Variants in NTNG1 observed in about 807,000 individuals in gnomAD.
The protein encoded by NTNG1 is netrin-G1.
A neutral mutation model predicts 54.0 loss-of-function variants in NTNG1; 16 were observed. The ratio of observed to expected loss-of-function variants is 0.30; its 90% CI spans 0.20 to 0.45. The LOEUF (loss-of-function observed/expected upper bound fraction) is 0.45, where lower values mean the gene tolerates loss of function less well. NTNG1 is among the 20% of genes least tolerant of loss of function. The pLI is 1.00. For synonymous variants in NTNG1, 255 were observed against 263.1 expected, an observed-to-expected ratio of 0.97 and a Z score of 0.30; for missense variants, 530 against 678.7, an observed-to-expected ratio of 0.78 and a Z score of 2.43.
chr1:107,227,137 T>C (rs1189214296), intron 2 of NTNG1, among the ~76,000 whole-genome samples: 5 of 152,214 alleles, frequency 3.3e-5, no homozygotes, highest in Middle Eastern at 3.4e-3. Context: ...AGTGTGACTA[T>C]GGGCAATTAT....
chr1:107,255,885 A>G (rs1463704526), intron 2 of NTNG1, among the ~76,000 whole-genome samples: 2 of 152,164 alleles, frequency 1.3e-5, no homozygotes, highest in African/African-American at 4.8e-5. Context: ...ACTAAAACCT[A>G]TTCTATTAAA....
At chr1:107,332,038 T>G (rs2101899110) in intron 3 of NTNG1, among the ~76,000 whole-genome samples, 1 of 152,170 alleles carries the variant, frequency 6.6e-6, no homozygotes, top group East Asian at 1.9e-4. Flanking sequence ...GTGGAAACAT[T>G]TAGAATAAAG....
chr1:107,436,865 G>C, intron 7 of NTNG1, 66 bp downstream of exon 7: 3 of 1,474,682 alleles, frequency 2.0e-6, no homozygotes, highest in African/African-American at 1.4e-5. Flanking sequence ...GGCTAGGCCG[G>C]TGCGTGCAGC....
At chr1:107,271,713 G>A (rs902322001) in intron 2 of NTNG1, among the ~76,000 whole-genome samples, 5 of 151,916 alleles carry the variant, frequency 3.3e-5, no homozygotes, top group Admixed American at 1.3e-4. Flanking sequence ...TCCAAATCTG[G>A]TAAAATGGAT....
chr1:107,149,727 T>A (rs1221585055), intron 2 of NTNG1, among the ~76,000 whole-genome samples: 6 of 152,206 alleles, frequency 3.9e-5, no homozygotes, highest in African/African-American at 1.4e-4. Context: ...ATAGTATACA[T>A]TAATGTGCTA....
intron 2 of NTNG1, among the ~76,000 whole-genome samples, chr1:107,249,731 T>A (rs1436103581): frequency 1.3e-5 from 2 of 152,200 alleles, no homozygotes; most frequent in Non-Finnish European, 2.9e-5. Context: ...TGAGCTTACT[T>A]CACATCGTTT....
intron 5 of NTNG1, among the ~76,000 whole-genome samples, chr1:107,417,643 G>T (rs1459738148): frequency 2.0e-5 from 3 of 152,026 alleles, no homozygotes; most frequent in Admixed American, 6.6e-5. Flanking sequence ...ACAGGTTACA[G>T]AAATTTAGAG....
At chr1:107,423,656 A>G (rs1239739567) in intron 5 of NTNG1, among the ~76,000 whole-genome samples, 3 of 152,120 alleles carry the variant, frequency 2.0e-5, no homozygotes, top group Non-Finnish European at 2.9e-5. Flanking sequence ...GTTGTCTGAA[A>G]TGCAATTTGA....
chr1:107,283,419 C>T (rs1466230988), intron 2 of NTNG1, among the ~76,000 whole-genome samples: 1 of 152,178 alleles, frequency 6.6e-6, no homozygotes, highest in Non-Finnish European at 1.5e-5. Context: ...TTGCAAGCTC[C>T]ACCCTGTCCA....
intron 1 of NTNG1, among the ~76,000 whole-genome samples, chr1:107,145,379 T>C (rs1247852658): frequency 6.6e-6 from 1 of 152,044 alleles, no homozygotes; most frequent in Non-Finnish European, 1.5e-5. Context: ...AGGATTTCCT[T>C]TGAAGTATAT....
intron 2 of NTNG1, among the ~76,000 whole-genome samples, chr1:107,219,607 T>C (rs1423125088): frequency 6.6e-6 from 1 of 152,192 alleles, no homozygotes; most frequent in African/African-American, 2.4e-5. Context: ...GGATGCTCTG[T>C]TAATGTGGTG....
chr1:107,476,169 A>T (rs1678312274), intron 7 of NTNG1, among the ~76,000 whole-genome samples: 1 of 152,144 alleles, frequency 6.6e-6, no homozygotes, highest in Non-Finnish European at 1.5e-5. Context: ...TCTGCGGTTA[A>T]TTTCATACCT....
chr1:107,280,761 A>AACTGC (rs1557866019), intron 2 of NTNG1, among the ~76,000 whole-genome samples: 227 of 152,056 alleles, frequency 1.5e-3, no homozygotes, highest in African/African-American at 5.3e-3. Flanking sequence ...CAGGACCACA[A>AACTGC]ATGCCAAAAT....
intron 3 of NTNG1, among the ~76,000 whole-genome samples, chr1:107,354,225 C>T (rs1669801904): frequency 6.6e-6 from 1 of 151,964 alleles, no homozygotes; most frequent in Admixed American, 6.6e-5. Flanking sequence ...AATCCCAGCA[C>T]TTTGGGAGGC....
chr1:107,384,791 T>C (rs1177393184), intron 3 of NTNG1, among the ~76,000 whole-genome samples: 1 of 152,260 alleles, frequency 6.6e-6, no homozygotes, highest in Admixed American at 6.5e-5. Context: ...GGAATTCGTA[T>C]GCAAATTGGC....
At chr1:107,455,343 C>A (rs964188188) in intron 7 of NTNG1, among the ~76,000 whole-genome samples, 1 of 152,164 alleles carries the variant, frequency 6.6e-6, no homozygotes, top group Non-Finnish European at 1.5e-5. Context: ...GGATTACAGG[C>A]GTGAGCCACC....
intron 2 of NTNG1, among the ~76,000 whole-genome samples, chr1:107,244,302 A>G (rs1454999237): frequency 2.6e-5 from 4 of 152,208 alleles, no homozygotes; most frequent in Non-Finnish European, 5.9e-5. Flanking sequence ...TTTTTCTCTT[A>G]TGCTGCCTGT....
At chr1:107,198,981 G>A (rs1658534898) in intron 2 of NTNG1, among the ~76,000 whole-genome samples, 1 of 151,588 alleles carries the variant, frequency 6.6e-6, no homozygotes, top group South Asian at 2.1e-4. Flanking sequence ...CTCCTGTGCA[G>A]CAATTTATTA....
chr1:107,447,868 G>C (rs1007066208), intron 7 of NTNG1, among the ~76,000 whole-genome samples: 1 of 152,040 alleles, frequency 6.6e-6, no homozygotes, highest in African/African-American at 2.4e-5. Context: ...AAACTGGCCT[G>C]GCTATCACAT....
Sources: gnomAD v4.1 joint callset for allele counts (sites outside exome capture counted in the v4.1 genomes callset) on GRCh38, gnomAD v4.1.1 for gene constraint, MANE v1.5 for transcripts, NCBI Gene and HGNC (gene_info 2026-07-23, HGNC 2026-07-21) for gene names.